Variants in BCL2L11 observed in about 807,000 individuals in gnomAD.
BCL2L11 encodes the protein BCL2 like 11, also known as bcl-2-like protein 11.
In BCL2L11, 15 loss-of-function variants were observed where a neutral mutation model predicts 20.6. That is an observed-to-expected ratio of 0.73 (90% CI 0.49 to 1.12). The LOEUF is 1.12. Ranked by LOEUF, BCL2L11 falls within the 50% of genes most tolerant of loss-of-function variation. The pLI, the probability that BCL2L11 is intolerant of heterozygous loss-of-function variation, is 0.00. For missense variants in BCL2L11, 292 were observed against 260.9 expected, an observed-to-expected ratio of 1.12 and a Z score of -0.82; for synonymous variants, 108 against 92.8, an observed-to-expected ratio of 1.16 and a Z score of -0.94.
At chr2:111,141,335 T>TA (rs1381806529) in intron 2 of BCL2L11, among the ~76,000 whole-genome samples, 5 of 151,388 alleles carry the variant, frequency 3.3e-5, no homozygotes, top group Non-Finnish European at 5.9e-5. Flanking sequence ...TATGCAGCCA[T>TA]AAAAAATGAT....
At position 111,152,782 on chromosome 2, in the gene BCL2L11, AGTTTAAT is replaced by A. The variant is rs142099326; in HGVS notation, c.498+2642_498+2648del. Among the ~76,000 whole-genome samples the A allele has an allele frequency of 8.3e-3, 1,268 of 152,342 alleles. 21 individuals are homozygous for A. Among genetic ancestry groups the A allele is most frequent in the African/African-American group, 0.029 (1,222 of 41,574 alleles). On this transcript the variant is annotated intron_variant, in intron 3 of 3. Transcript: ENST00000393256. Reference sequence around the variant, plus strand: ...TCCTCTTCTCCCAATGTCATTTCACAGTTTAATGTTTAAGCGTATGTTTAAGATGGTC... The same window carrying A: ...TCCTCTTCTCCCAATGTCATTTCACAGTTTAAGCGTATGTTTAAGATGGTC...
intron 3 of BCL2L11, among the ~76,000 whole-genome samples, chr2:111,159,180 A>G (rs2078266142): frequency 6.6e-6 from 1 of 152,200 alleles, no homozygotes; most frequent in Non-Finnish European, 1.5e-5. Context: ...CGAGGAGGGA[A>G]GGTGCTGGCC....
intron 2 of BCL2L11, among the ~76,000 whole-genome samples, chr2:111,128,435 T>G (rs1304160665): frequency 1.3e-5 from 2 of 151,548 alleles, no homozygotes; most frequent in African/African-American, 4.8e-5. Context: ...GGGATTCTGC[T>G]TTGAATTTTT....
At chr2:111,128,603 C>CTTTTT in intron 2 of BCL2L11, 17 of 1,401,830 alleles carry the variant, frequency 1.2e-5, no homozygotes, top group South Asian at 5.9e-5. Flanking sequence ...CTTACCAACA[C>CTTTTT]TTTTTTTTTT....
intron 3 of BCL2L11, among the ~76,000 whole-genome samples, chr2:111,150,617 G>A (rs995720536): frequency 6.6e-6 from 1 of 152,324 alleles, no homozygotes; most frequent in East Asian, 1.9e-4. Context: ...AGGAAGCAGG[G>A]AGCCATTGCC....
intron 2 of BCL2L11, among the ~76,000 whole-genome samples, chr2:111,145,414 G>A (rs1035603689): frequency 2.0e-5 from 3 of 152,054 alleles, no homozygotes; most frequent in Non-Finnish European, 4.4e-5. Flanking sequence ...AGGCTCTTGG[G>A]TTAGAAGCTC....
At position 111,164,193 on chromosome 2, in the gene BCL2L11, T is replaced by A; in HGVS notation, c.559T>A (p.Leu187Ile). Residue 187 changes from leucine to isoleucine, a missense_variant, in exon 4 of 4, where the codon TTA becomes ATA. Transcript: ENST00000393256. ...CCCACGAATGGTTATCTTACGACTGTTACGTTACATTGTCCGCCTGGTGTG... is the reference window on the plus strand; with the variant it reads ...CCCACGAATGGTTATCTTACGACTGATACGTTACATTGTCCGCCTGGTGTG... The part of the protein sequence containing the change: ...DHPRMVILRL[L>I]RYIVRLVWRM... 1 of 1,613,348 alleles carries A rather than the reference T, an allele frequency of 6.2e-7. No individual in the cohort carries two copies. Among genetic ancestry groups the A allele is most frequent in the Non-Finnish European group, 8.5e-7 (1 of 1,179,278 alleles).
Position 111,158,143 on chromosome 2 carries a change from G to A in BCL2L11, c.499-5990G>A, listed in dbSNP as rs931362545. ...CTGTGGTTGTTGGTCTGAAAGTGGAGAGAGACCAGATCTTCCTGAAGAGCT... is the reference window on the plus strand; with the variant it reads ...CTGTGGTTGTTGGTCTGAAAGTGGAAAGAGACCAGATCTTCCTGAAGAGCT... On this transcript the variant is annotated intron_variant, in intron 3 of 3. Transcript: ENST00000393256. Among the ~76,000 whole-genome samples, 12 of 152,256 alleles carry A rather than the reference G, an allele frequency of 7.9e-5. 1 individual carries two copies. The highest frequency in any genetic ancestry group is 7.8e-4 in the Admixed American group (12 of 15,290).
At chr2:111,126,212 C>T (rs2072567507) in intron 2 of BCL2L11, among the ~76,000 whole-genome samples, 1 of 152,220 alleles carries the variant, frequency 6.6e-6, no homozygotes, top group African/African-American at 2.4e-5. Context: ...TAAAGACAGG[C>T]ACAAATGCTT....
intron 2 of BCL2L11, among the ~76,000 whole-genome samples, chr2:111,127,526 G>T (rs1429387257): frequency 6.6e-6 from 1 of 151,494 alleles, no homozygotes; most frequent in Non-Finnish European, 1.5e-5. Flanking sequence ...GGGAATAATG[G>T]CCTGCAGATG....
intron 1 of BCL2L11, among the ~76,000 whole-genome samples, chr2:111,121,514 C>G (rs1401178385): frequency 1.3e-5 from 2 of 152,332 alleles, no homozygotes; most frequent in African/African-American, 2.4e-5. Flanking sequence ...GGCGCCGGCC[C>G]GGGAGCTGAG....
chr2:111,150,417 T>G, intron 3 of BCL2L11: 1 of 507,072 alleles, frequency 2.0e-6, no homozygotes, highest in Non-Finnish European at 3.3e-6. Context: ...GGATTATTTA[T>G]AGACTTTGAG....
At chr2:111,150,999 G>A (rs535817912) in intron 3 of BCL2L11, among the ~76,000 whole-genome samples, 5 of 152,168 alleles carry the variant, frequency 3.3e-5, no homozygotes, top group Non-Finnish European at 7.3e-5. Flanking sequence ...CCGCCTCCCA[G>A]GTTCAAGTGA....
In BCL2L11 at chr2:111,164,485, T is replaced by C. The variant is rs529861281; in HGVS notation, c.*254T>C. The C allele has an allele frequency of 2.9e-6, 1 of 343,572 alleles. No individual in the cohort carries two copies. The highest frequency in any genetic ancestry group is 7.9e-5 in the South Asian group (1 of 12,664). The allele number at this position is 343,572 out of a possible 1,614,324, so 21.3% of individuals were successfully genotyped here. Reference sequence around the variant, plus strand: ...TCTTTGCTTTTTAATATACAAACCATGGTTTTTTGGAGCAGGATTTTGTGT... The same window carrying C: ...TCTTTGCTTTTTAATATACAAACCACGGTTTTTTGGAGCAGGATTTTGTGT... On this transcript the variant is annotated 3_prime_UTR_variant, in exon 4 of 4. Coordinates refer to ENST00000393256, the MANE Select transcript of BCL2L11 (RefSeq NM_138621.5).
At chr2:111,135,194 T>C (rs1469836624) in intron 2 of BCL2L11, among the ~76,000 whole-genome samples, 1 of 152,248 alleles carries the variant, frequency 6.6e-6, no homozygotes, top group East Asian at 1.9e-4. Context: ...AGATTTTCTC[T>C]CTCTTCAGAT....
At chr2:111,152,918 T>C (rs1275584398) in intron 3 of BCL2L11, among the ~76,000 whole-genome samples, 1 of 152,238 alleles carries the variant, frequency 6.6e-6, no homozygotes, top group Non-Finnish European at 1.5e-5. Flanking sequence ...GTGCATCTTT[T>C]GCATATCTTA....
rs572304743 is a variant in BCL2L11 at position 111,149,144 on chromosome 2, G to A, written c.395-900G>A. ...ACGTTACTGAACTGTTCACCTCTGA[G>A]TGTAATGCTTTCCTGGTGGCACATG... is the stretch of plus-strand genomic sequence containing the variant. On this transcript the variant is annotated intron_variant, in intron 2 of 3. Transcript: ENST00000393256. 5.4e-4 allele frequency among the ~76,000 whole-genome samples: 82 copies of A among 152,282 alleles called. 1 individual carries two copies. Among genetic ancestry groups the A allele is most frequent in the Non-Finnish European group, 3.5e-4 (24 of 68,024 alleles).
intron 2 of BCL2L11, chr2:111,144,630 A>C: frequency 7.5e-7 from 1 of 1,329,284 alleles, no homozygotes; most frequent in Non-Finnish European, 1.0e-6. Flanking sequence ...TTAAAGAAGG[A>C]GACTTACAGA....
chr2:111,166,160 CAA>C lies in BCL2L11; in HGVS notation c.*1931_*1932del, dbSNP rs1175222448. ...GGGCCTGCTGGACACACACATACAC[CAA>C]AGATGTATTTGGATCTGGGCACCCC... On this transcript the variant is annotated 3_prime_UTR_variant, in exon 4 of 4. Coordinates refer to ENST00000393256, the MANE Select transcript of BCL2L11 (RefSeq NM_138621.5). The C allele has an allele frequency of 2.0e-5, 3 of 152,654 alleles. No individual in the cohort carries two copies. Among genetic ancestry groups the C allele is most frequent in the Non-Finnish European group, 4.4e-5 (3 of 68,050 alleles). 9.5% of individuals were successfully genotyped at this position (152,654 alleles called of 1,614,324 possible). A position where few individuals can be genotyped will look rare whatever the true frequency, so the allele number is the denominator to read the frequency against.
Sources: allele counts gnomAD v4.1 joint callset (sites outside exome capture counted in the v4.1 genomes callset), GRCh38; gene constraint gnomAD v4.1.1; transcripts MANE v1.5; gene names NCBI Gene and HGNC (gene_info 2026-07-23, HGNC 2026-07-21).